CLEC16A: variants seen among roughly 807,000 people sequenced by gnomAD.
CLEC16A encodes protein CLEC16A.
In CLEC16A, 51 loss-of-function variants were observed where a neutral mutation model predicts 109.5. The ratio of observed to expected loss-of-function variants is 0.47; its 90% CI spans 0.37 to 0.59. CLEC16A has a LOEUF of 0.59. Among genes scored for constraint, CLEC16A ranks in the 20% least tolerant of loss-of-function variants. The pLI is 0.00. For synonymous variants in CLEC16A, 673 were observed against 564.2 expected (o/e 1.19, Z -2.73); for missense variants, 1,339 against 1,394.0 (o/e 0.96, Z 0.63).
intron 13 of CLEC16A, among the ~76,000 whole-genome samples, chr16:11,033,608 C>A (rs1303795145): frequency 1.3e-5 from 2 of 152,140 alleles, no homozygotes; most frequent in African/African-American, 4.8e-5. Flanking sequence ...TGCACTTGAC[C>A]TTCAGCCTCA....
intron 12 of CLEC16A, among the ~76,000 whole-genome samples, chr16:11,022,148 T>A (rs779936798): frequency 1.3e-5 from 2 of 152,114 alleles, no homozygotes; most frequent in Non-Finnish European, 2.9e-5. Flanking sequence ...CATGCAGTCC[T>A]GGGAACCTCC....
chr16:11,026,973 C>G (rs1199055512), intron 13 of CLEC16A: 2 of 1,522,754 alleles, frequency 1.3e-6, no homozygotes, highest in African/African-American at 1.4e-5. Context: ...CGCGTGCTGT[C>G]TTTCCCATGT....
At chr16:11,141,694 G>T (rs1358526435) in intron 22 of CLEC16A, among the ~76,000 whole-genome samples, 1 of 152,258 alleles carries the variant, frequency 6.6e-6, no homozygotes, top group Non-Finnish European at 1.5e-5. Context: ...AGAAACCAGG[G>T]CAGCTGGGTG....
chr16:10,985,713 A>G (rs935907474), intron 10 of CLEC16A, among the ~76,000 whole-genome samples: 3 of 150,906 alleles, frequency 2.0e-5, no homozygotes, highest in Admixed American at 6.6e-5. Flanking sequence ...AGCATTGTTT[A>G]TTTATTTTTA....
rs200082818 is a variant in CLEC16A at position 11,003,289 on chromosome 16, G to A, written c.1287G>A (p.Thr429=). ...GTEGGSKGIK[T]SGESEEIEMV... The stretch of plus-strand genomic sequence containing the variant: ...AGGGTGGTTCAAAAGGCATCAAGAC[G>A]AGTGGGGAGAGTGAAGGTGAGTGTC... Residue 429 remains threonine, a synonymous_variant, in exon 11 of 24, where the codon ACG becomes ACA. Coordinates refer to ENST00000409790, the MANE Select transcript of CLEC16A (RefSeq NM_015226.3). 1.4e-5 allele frequency: 22 copies of A among 1,611,716 alleles called. No homozygotes were observed. The highest frequency in any genetic ancestry group is 3.3e-5 in the South Asian group (3 of 90,958).
chr16:11,051,633 A>T lies in CLEC16A; in HGVS notation c.1987A>T (p.Thr663Ser). ...KRLPCGDVEK[T>S]RRAIRVFFML... is the part of the protein sequence containing the mutation. The stretch of plus-strand genomic sequence containing the variant: ...GCTGCCGTGTGGCGATGTGGAGAAG[A>T]CCCGGCGGGTGAGTGAGCACAGGAC... Residue 663 changes from threonine (T) to serine (S), a missense_variant, in exon 18 of 24, where the codon ACC becomes TCC. This residue lies in a region of CLEC16A where 1,061 missense variants were observed against 1,006.8 expected (regional missense o/e 1.05). Transcript: ENST00000409790. The T allele has an allele frequency of 6.2e-7, 1 of 1,613,878 alleles. No homozygotes were observed. The highest frequency in any genetic ancestry group is 8.5e-7 in the Non-Finnish European group (1 of 1,179,782).
chr16:11,057,254 TTGAG>T (rs768810500), intron 18 of CLEC16A, among the ~76,000 whole-genome samples: 1 of 152,252 alleles, frequency 6.6e-6, no homozygotes, highest in Non-Finnish European at 1.5e-5. Flanking sequence ...GGCTTCTAAC[TTGAG>T]TGACTGTCGC....
At chr16:10,987,780 A>G (rs559380462) in intron 10 of CLEC16A, among the ~76,000 whole-genome samples, 1 of 152,266 alleles carries the variant, frequency 6.6e-6, no homozygotes, top group South Asian at 2.1e-4. Flanking sequence ...CCCAACTCGG[A>G]TGTGGTTTGA....
rs1024576345 is a variant in CLEC16A, at chr16:10,961,694, G to A, written c.210-761G>A. Among the ~76,000 whole-genome samples the A allele has an allele frequency of 6.6e-5, 10 of 152,216 alleles. No individual in the cohort carries two copies. Among genetic ancestry groups the A allele is most frequent in the African/African-American group, 2.2e-4 (9 of 41,448 alleles). Reference sequence around the variant, plus strand: ...GTTTCTCCACCACATCAGTACCTGTGTATTTCTTTCTAGTTATTTTCCCCT... The same window carrying A: ...GTTTCTCCACCACATCAGTACCTGTATATTTCTTTCTAGTTATTTTCCCCT... On this transcript the variant is annotated intron_variant, in intron 2 of 23. Transcript: ENST00000409790. This position sits in a 1 kb window ranked among gnomAD's most constrained non-coding sequence, Gnocchi z 4.3.
Position 11,161,834 on chromosome 16 carries a change from C to A in CLEC16A, c.2642-4554C>A, listed in dbSNP as rs554420127. ...GCTCCCAACGTGTCCATGGTGGTAC[C>A]TCCAACAAACACACATATAACATAA... On this transcript the variant is annotated intron_variant, in intron 22 of 23. Transcript: ENST00000409790. 5.3e-5 allele frequency among the ~76,000 whole-genome samples: 8 copies of A among 152,324 alleles called. No homozygotes were observed. The South Asian group carries it at 1.7e-3, about 32-fold the overall frequency.
chr16:11,094,857 C>T (rs1483359731), intron 19 of CLEC16A, among the ~76,000 whole-genome samples: 5 of 152,194 alleles, frequency 3.3e-5, no homozygotes, highest in Admixed American at 1.3e-4. Flanking sequence ...TATGAGGTAG[C>T]AGGGGGCTAT....
At chr16:11,155,763 G>C (rs2054487938) in intron 22 of CLEC16A, among the ~76,000 whole-genome samples, 1 of 152,232 alleles carries the variant, frequency 6.6e-6, no homozygotes, top group African/African-American at 2.4e-5. Flanking sequence ...TTGGTGAGGT[G>C]ACCCAGCTGC....
At chr16:11,142,582 C>T (rs527856247) in intron 22 of CLEC16A, among the ~76,000 whole-genome samples, 1 of 152,330 alleles carries the variant, frequency 6.6e-6, no homozygotes, top group East Asian at 1.9e-4. Flanking sequence ...CAGTGGTACA[C>T]ACTGGTGCAG....
chr16:11,064,782 A>C (rs1377777248), intron 19 of CLEC16A, among the ~76,000 whole-genome samples: 1 of 152,280 alleles, frequency 6.6e-6, no homozygotes, highest in African/African-American at 2.4e-5. Context: ...CTTTCAAAAA[A>C]ATAAAAACAA....
intron 18 of CLEC16A, among the ~76,000 whole-genome samples, chr16:11,052,117 T>G (rs1455719133): frequency 6.6e-6 from 1 of 152,160 alleles, no homozygotes; most frequent in Admixed American, 6.5e-5. Context: ...CAGATATGTG[T>G]GAAAAGATTA....
intron 7 of CLEC16A, among the ~76,000 whole-genome samples, chr16:10,974,310 T>G (rs904175118): frequency 6.6e-6 from 1 of 152,134 alleles, no homozygotes; most frequent in Admixed American, 6.5e-5. Context: ...CTTTAAATAA[T>G]TGAATGTTAT....
At chr16:11,090,811 ATTTTTTT>A (rs71136616) in intron 19 of CLEC16A, among the ~76,000 whole-genome samples, 3 of 80,682 alleles carry the variant, frequency 3.7e-5, no homozygotes, top group Admixed American at 2.9e-4. Flanking sequence ...TACCCAGCTA[ATTTTTTT>A]TTTTTTTTTT....
At chr16:10,968,815 G>A (rs1371809251) in intron 3 of CLEC16A, among the ~76,000 whole-genome samples, 1 of 152,142 alleles carries the variant, frequency 6.6e-6, no homozygotes, top group African/African-American at 2.4e-5. Context: ...CTCATTCATG[G>A]GTGGTTTGTG....
intron 12 of CLEC16A, among the ~76,000 whole-genome samples, chr16:11,020,734 C>A (rs1266919469): frequency 6.6e-6 from 1 of 152,272 alleles, no homozygotes; most frequent in African/African-American, 2.4e-5. Flanking sequence ...AACACATACC[C>A]CATCTATAGG....
Sources: gnomAD v4.1 joint callset for allele counts (sites outside exome capture counted in the v4.1 genomes callset) on GRCh38, gnomAD v4.1.1 for gene constraint, gnomAD v4.1.1 regional missense constraint, Gnocchi (gnomAD v3.1) non-coding constraint, MANE v1.5 for transcripts, NCBI Gene and HGNC (gene_info 2026-07-23, HGNC 2026-07-21) for gene names.